ZDHHC9: variants seen among roughly 807,000 people sequenced by gnomAD.
The protein encoded by ZDHHC9 is zDHHC palmitoyltransferase 9.
In ZDHHC9, 3 loss-of-function variants were observed where a neutral mutation model predicts 26.6. The observed-to-expected ratio is 0.11, with a 90% CI of 0.05 to 0.29. The LOEUF (loss-of-function observed/expected upper bound fraction) is 0.29, where lower values mean the gene tolerates loss of function less well. ZDHHC9 is among the 10% of genes least tolerant of loss of function. The pLI is 1.00. For missense variants in ZDHHC9, 146 were observed against 296.4 expected (o/e 0.49, Z 3.73); for synonymous variants, 111 against 109.4 (o/e 1.01, Z -0.09).
intron 5 of ZDHHC9, among the ~76,000 whole-genome samples, chrX:129,815,627 T>C (rs1208432464): frequency 1.8e-5 from 2 of 111,778 alleles, no homozygotes; most frequent in East Asian, 2.8e-4. Flanking sequence ...TTATTACACA[T>C]TGCATGCCTG....
Position 129,812,709 on chromosome X carries a change from T to C in ZDHHC9, c.777+9A>G. The C allele has an allele frequency of 8.4e-7, 1 of 1,190,449 alleles. No homozygotes were observed. On this transcript the variant is annotated intron_variant, in intron 8 of 10. Transcript: ENST00000357166. The stretch of plus-strand genomic sequence containing the variant: ...AATATGTGGTGAGGAGAAGAGAAAG[T>C]TGACTCACGTCTTCATTGGTTGTCT...
intron 10 of ZDHHC9, 130 bp downstream of exon 10, chrX:129,810,775 A>T (rs750383069): frequency 3.2e-4 from 177 of 547,867 alleles, no homozygotes; most frequent in Non-Finnish European, 4.3e-4. Flanking sequence ...TCTGAAGGCA[A>T]CATCAGGGCA....
chrX:129,807,622 C>G lies in ZDHHC9; in HGVS notation c.979-1136G>C, dbSNP rs747974232. ...ATCACTTGAGGTCAGGAGTTTGAGA[C>G]CAGCCTGGCCAACATGGCAAAACCC... On this transcript the variant is annotated intron_variant, in intron 10 of 10. Coordinates refer to ENST00000357166, the MANE Select transcript of ZDHHC9 (RefSeq NM_016032.4). Among the ~76,000 whole-genome samples, 3 of 111,052 alleles carry G rather than the reference C, an allele frequency of 2.7e-5. No homozygotes were observed. In the South Asian group the frequency reaches 1.1e-3, roughly 42 times the overall value.
At chrX:129,809,218 T>C (rs1411017823) in intron 10 of ZDHHC9, among the ~76,000 whole-genome samples, 1 of 111,885 alleles carries the variant, frequency 8.9e-6, no homozygotes, top group African/African-American at 3.3e-5. Flanking sequence ...CCCAGGTATA[T>C]AGCCAAGAGA....
chrX:129,836,519 A>G (rs1442289170), intron 3 of ZDHHC9, among the ~76,000 whole-genome samples: 1 of 111,961 alleles, frequency 8.9e-6, no homozygotes, highest in Admixed American at 9.5e-5. Flanking sequence ...TCCTGACCTC[A>G]AGTGATCCAC....
intron 4 of ZDHHC9, among the ~76,000 whole-genome samples, chrX:129,825,169 G>A (rs1927985599): frequency 9.0e-6 from 1 of 111,087 alleles, no homozygotes; most frequent in South Asian, 3.8e-4. Context: ...CAAGCATGGT[G>A]GCACGCATCT....
At chrX:129,820,803 G>A (rs1366757762) in intron 5 of ZDHHC9, among the ~76,000 whole-genome samples, 1 of 111,553 alleles carries the variant, frequency 9.0e-6, no homozygotes, top group Non-Finnish European at 1.9e-5. Flanking sequence ...TGGGGTACAT[G>A]TGCAGGATGT....
chrX:129,811,725 C>T (rs1050093528), intron 8 of ZDHHC9, among the ~76,000 whole-genome samples: 2 of 110,644 alleles, frequency 1.8e-5, no homozygotes, highest in East Asian at 2.8e-4. Flanking sequence ...GATATGAGGG[C>T]GATCTGGCTG....
intron 8 of ZDHHC9, 48 bp downstream of exon 8, chrX:129,812,670 G>A: frequency 9.3e-7 from 1 of 1,074,712 alleles, no homozygotes; most frequent in South Asian, 1.8e-5. Context: ...AAGAGGATAG[G>A]CTTTGGGAAG....
chrX:129,811,582 A>G, intron 8 of ZDHHC9, 73 bp from the exon 9 acceptor site: 1 of 840,671 alleles, frequency 1.2e-6, no homozygotes, highest in East Asian at 3.5e-5. Context: ...AAAATTAAAA[A>G]CAGACACAAA....
intron 3 of ZDHHC9, among the ~76,000 whole-genome samples, chrX:129,838,338 G>A (rs1403053930): frequency 9.0e-6 from 1 of 111,516 alleles, no homozygotes; most frequent in Non-Finnish European, 1.9e-5. Flanking sequence ...TTTCTACTCG[G>A]TGACAGCGGC....
At position 129,809,500 on chromosome X, in the gene ZDHHC9, A is replaced by G. The variant is rs1927587765; in HGVS notation, c.978+1405T>C. Among the ~76,000 whole-genome samples the G allele has an allele frequency of 1.8e-5, 2 of 112,089 alleles. 1 individual carries two copies. Among genetic ancestry groups the G allele is most frequent in the Middle Eastern group, 9.2e-3 (2 of 218 alleles). ...TTGTATGATTTCATTTACATGAAAT[A>G]CCCAGAAGAGAGAAATCTGTACTAA... On this transcript the variant is annotated intron_variant, in intron 10 of 10. Coordinates refer to ENST00000357166, the MANE Select transcript of ZDHHC9 (RefSeq NM_016032.4).
intron 3 of ZDHHC9, 47 bp downstream of exon 3, chrX:129,841,732 G>C: frequency 8.3e-7 from 1 of 1,206,229 alleles, no homozygotes; most frequent in Non-Finnish European, 1.1e-6. Flanking sequence ...TCTTCCCCTG[G>C]ACCCAAAGTA....
At chrX:129,832,784 A>AAAATAAATAAATAAATAAAT (rs58029912) in intron 3 of ZDHHC9, among the ~76,000 whole-genome samples, 2,044 of 100,216 alleles carry the variant, frequency 0.02, 80 homozygotes, top group African/African-American at 0.082. Context: ...CTCCGTCTCA[A>AAAATAAATAAATAAATAAAT]AAATAAATAA....
intron 3 of ZDHHC9, among the ~76,000 whole-genome samples, chrX:129,832,990 G>A (rs1928182355): frequency 9.5e-6 from 1 of 105,052 alleles, no homozygotes; most frequent in Non-Finnish European, 1.9e-5. Flanking sequence ...AAAAAGACTA[G>A]GTCAGATCTG....
In ZDHHC9 at chrX:129,805,918, C is replaced by T; in HGVS notation, c.*452G>A. ...CCCTCCTCTTCAGTCCTGAAGACCC[C>T]AAGAACCCAGTTAGGATCCCCTGGC... is the stretch of plus-strand genomic sequence containing the variant. On this transcript the variant is annotated 3_prime_UTR_variant, in exon 11 of 11. Transcript: ENST00000357166. 1 of 142,750 alleles carries T rather than the reference C, an allele frequency of 7.0e-6. No individual in the cohort carries two copies. The highest frequency in any genetic ancestry group is 1.8e-4 in the South Asian group (1 of 5,505). The allele number at this position is 142,750 out of a possible 1,213,427, so 11.8% of individuals were successfully genotyped here.
intron 3 of ZDHHC9, among the ~76,000 whole-genome samples, chrX:129,832,842 G>C (rs1039009296): frequency 9.3e-6 from 1 of 107,129 alleles, no homozygotes; most frequent in Non-Finnish European, 1.9e-5. Flanking sequence ...GCATGCACCT[G>C]TAATCCCAGC....
intron 5 of ZDHHC9, among the ~76,000 whole-genome samples, chrX:129,815,075 C>A (rs182305336): frequency 9.7e-4 from 108 of 111,253 alleles, no homozygotes; most frequent in Non-Finnish European, 1.8e-3. Flanking sequence ...TTGCCTCACT[C>A]AGCTCATTAA....
intron 3 of ZDHHC9, 115 bp downstream of exon 3, chrX:129,841,664 G>A (rs776931139): frequency 4.2e-5 from 38 of 913,519 alleles, no homozygotes; most frequent in East Asian, 1.9e-4. Flanking sequence ...TACAGACATC[G>A]CTCAAGAGGA....
Sources: allele counts gnomAD v4.1 joint callset (sites outside exome capture counted in the v4.1 genomes callset), GRCh38; gene constraint gnomAD v4.1.1; transcripts MANE v1.5; gene names NCBI Gene and HGNC (gene_info 2026-07-23, HGNC 2026-07-21).